NSD1: variants seen among roughly 807,000 people sequenced by gnomAD.
NSD1 encodes nuclear receptor binding SET domain protein 1, also known as histone-lysine N-methyltransferase, H3 lysine-36 specific.
A neutral mutation model predicts 242.7 loss-of-function variants in NSD1; 26 were observed. That is an observed-to-expected ratio of 0.11 (90% CI 0.08 to 0.15). NSD1 has a LOEUF of 0.15. NSD1 is among the 10% of genes least tolerant of loss of function. The pLI, the probability that NSD1 is intolerant of heterozygous loss-of-function variation, is 1.00. For synonymous variants in NSD1, 1,106 were observed against 1,178.1 expected (o/e 0.94, Z 1.25); for missense variants, 2,495 against 3,272.8 (o/e 0.76, Z 5.80).
Position 177,188,991 on chromosome 5 carries a change from G to C in NSD1, c.928-2893G>C, listed in dbSNP as rs367551031. Among the ~76,000 whole-genome samples the C allele has an allele frequency of 2.5e-4, 38 of 152,204 alleles. No homozygotes were observed. The East Asian group carries it at 5.0e-3, about 20-fold the overall frequency. ...TCAGGAGGCGAAGATTGCAGTGAGT[G>C]AAGATTGCACCATTGCACTCCAGCC... On this transcript the variant is annotated intron_variant, in intron 2 of 22. Transcript: ENST00000439151.
At chr5:177,267,812 T>A in intron 15 of NSD1, 94 bp downstream of exon 15, 1 of 1,246,416 alleles carries the variant, frequency 8.0e-7, no homozygotes, top group Non-Finnish European at 1.2e-6. Flanking sequence ...ATGATCTACT[T>A]AATTACTCAT....
At chr5:177,145,629 C>G (rs1380373358) in intron 2 of NSD1, among the ~76,000 whole-genome samples, 1 of 152,022 alleles carries the variant, frequency 6.6e-6, no homozygotes, top group Non-Finnish European at 1.5e-5. Context: ...ATTCCATGGC[C>G]AGGCTGGGCG....
chr5:177,286,078 G>C (rs1759301084), intron 20 of NSD1, among the ~76,000 whole-genome samples: 1 of 152,004 alleles, frequency 6.6e-6, no homozygotes, highest in South Asian at 2.1e-4. Flanking sequence ...GGTATTTTTA[G>C]TAGAGACTCC....
intron 20 of NSD1, among the ~76,000 whole-genome samples, chr5:177,285,685 C>G (rs1311421370): frequency 1.3e-5 from 2 of 151,800 alleles, no homozygotes; most frequent in East Asian, 1.9e-4. Flanking sequence ...AAATCAGCCT[C>G]TTATACTCAA....
At chr5:177,237,026 A>T (rs1199910328) in intron 6 of NSD1, among the ~76,000 whole-genome samples, 1 of 152,096 alleles carries the variant, frequency 6.6e-6, no homozygotes, top group Non-Finnish European at 1.5e-5. Flanking sequence ...TTTTTTTTGT[A>T]GAGGCGGTGT....
chr5:177,164,224 C>T (rs1278074677), intron 2 of NSD1, among the ~76,000 whole-genome samples: 5 of 145,456 alleles, frequency 3.4e-5, no homozygotes, highest in Non-Finnish European at 7.4e-5. Context: ...GGCATGGTTT[C>T]CCGCTCACTG....
intron 8 of NSD1, among the ~76,000 whole-genome samples, chr5:177,242,514 A>ATTTATTTATTTAT (rs1554196719): frequency 3.4e-5 from 5 of 145,586 alleles, no homozygotes; most frequent in East Asian, 2.0e-4. Context: ...AATGGCCTTT[A>ATTTATTTATTTAT]TTATTTATTT....
intron 20 of NSD1, 39 bp downstream of exon 20, chr5:177,283,967 T>G: frequency 6.2e-7 from 1 of 1,612,812 alleles, no homozygotes; most frequent in Non-Finnish European, 8.5e-7. Flanking sequence ...GACATCTGAA[T>G]TTCAGGGCTT....
At chr5:177,173,348 A>G (rs1043966207) in intron 2 of NSD1, among the ~76,000 whole-genome samples, 3 of 151,484 alleles carry the variant, frequency 2.0e-5, no homozygotes, top group Non-Finnish European at 4.4e-5. Context: ...AACTACAAGA[A>G]GTCTATTGGA....
At chr5:177,187,220 T>C (rs1409709267) in intron 2 of NSD1, among the ~76,000 whole-genome samples, 1 of 149,280 alleles carries the variant, frequency 6.7e-6, no homozygotes, top group East Asian at 2.0e-4. Flanking sequence ...TTCTTCTGCC[T>C]CAACCTCCCA....
At chr5:177,142,353 A>G (rs1756897437) in intron 2 of NSD1, among the ~76,000 whole-genome samples, 1 of 152,222 alleles carries the variant, frequency 6.6e-6, no homozygotes. Context: ...CTTTTAAGGA[A>G]CTTCACTGTG....
chr5:177,155,734 T>A (rs987212644), intron 2 of NSD1, among the ~76,000 whole-genome samples: 1 of 152,132 alleles, frequency 6.6e-6, no homozygotes, highest in African/African-American at 2.4e-5. Context: ...TCGCCCAGGC[T>A]AGAGTGCAAT....
At chr5:177,266,550 C>G (rs1757485201) in intron 14 of NSD1, 1 of 693,194 alleles carries the variant, frequency 1.4e-6, no homozygotes, top group Middle Eastern at 2.7e-4. Context: ...GGCCACAGGA[C>G]ACCTCCATGA....
chr5:177,168,771 T>C (rs552259016), intron 2 of NSD1, among the ~76,000 whole-genome samples: 2 of 152,296 alleles, frequency 1.3e-5, no homozygotes, highest in East Asian at 1.9e-4. Context: ...AGTGTGTTTA[T>C]ACCTGTAGCG....
chr5:177,279,961 A>ATATTTTATTTTATTTTATTT lies in NSD1; in HGVS notation c.5623-567_5623-548dup, dbSNP rs571980602. On this transcript the variant is annotated intron_variant, in intron 17 of 22. Transcript: ENST00000439151. ...AATTTCAAAAAAATTTTTAAAGTTC[A>ATATTTTATTTTATTTTATTT]TATTTTATTTTATTTTATTTTATTT... Among the ~76,000 whole-genome samples the ATATTTTATTTTATTTTATTT allele has an allele frequency of 1.4e-3, 191 of 140,066 alleles. 3 individuals are homozygous for ATATTTTATTTTATTTTATTT. The highest frequency in any genetic ancestry group is 4.8e-3 in the African/African-American group (172 of 36,118). The allele number at this position is 140,066 out of a possible 152,430, so 91.9% of individuals were successfully genotyped here.
intron 20 of NSD1, among the ~76,000 whole-genome samples, chr5:177,284,648 C>T (rs1180248501): frequency 6.6e-6 from 1 of 152,186 alleles, no homozygotes; most frequent in African/African-American, 2.4e-5. Context: ...AACAAATTTT[C>T]ACATTCATAT....
At chr5:177,192,115 C>A in intron 3 of NSD1, 96 bp downstream of exon 3, 2 of 1,139,396 alleles carry the variant, frequency 1.8e-6, no homozygotes, top group Non-Finnish European at 2.4e-6. Context: ...TTCCTTGGAA[C>A]ATTTTGTGAA....
At position 177,248,212 on chromosome 5, in the gene NSD1, G is replaced by A. The variant is rs748329980; in HGVS notation, c.4529G>A (p.Ser1510Asn). The A allele has an allele frequency of 1.2e-6, 2 of 1,614,078 alleles. No homozygotes were observed. Among genetic ancestry groups the A allele is most frequent in the South Asian group, 2.2e-5 (2 of 91,086 alleles). The change falls in exon 11 of 23, where the codon AGC (serine) becomes AAC (asparagine). Residue 1510 changes from serine to asparagine, a missense_variant. Ser to Asn is a conservative substitution (Grantham distance 46, BLOSUM62 1). Transcript: ENST00000439151. ...CTAATGCCTCACAGGACGGCCACAA[G>A]CCCCAAGGAGACTGTTGAGGAAGGT... ...GELMPHRTAT[S>N]PKETVEEGVE...
intron 3 of NSD1, among the ~76,000 whole-genome samples, chr5:177,199,579 A>ATTTTCTTTTCTTTTCTTTTCTTTTC (rs372397508): frequency 7.8e-6 from 1 of 127,724 alleles, no homozygotes; most frequent in African/African-American, 3.7e-5. Flanking sequence ...TCAACTTAAT[A>ATTTTCTTTTCTTTTCTTTTCTTTTC]TTTTCTTTTC....
Sources: gnomAD v4.1 joint callset for allele counts (sites outside exome capture counted in the v4.1 genomes callset) on GRCh38, gnomAD v4.1.1 for gene constraint, MANE v1.5 for transcripts, NCBI Gene and HGNC (gene_info 2026-07-23, HGNC 2026-07-21) for gene names.